The following SPTLC2 variants were observed in gnomAD, a reference collection of about 807,000 sequenced individuals.
SPTLC2 encodes the protein serine palmitoyltransferase long chain base subunit 2, also known as serine palmitoyltransferase 2.
In SPTLC2, 21 loss-of-function variants were observed where a neutral mutation model predicts 62.0. The ratio of observed to expected loss-of-function variants is 0.34; its 90% confidence interval spans 0.24 to 0.49. SPTLC2 has a LOEUF of 0.49. Among genes scored for constraint, SPTLC2 ranks in the 20% least tolerant of loss-of-function variants. The pLI, the probability that SPTLC2 is intolerant of heterozygous loss-of-function variation, is 0.99. For missense variants in SPTLC2, 511 were observed against 713.0 expected (o/e 0.72, Z 3.23); for synonymous variants, 261 against 261.8 (o/e 1.00, Z 0.03).
At chr14:77,589,680 C>G (rs2079804265) in intron 2 of SPTLC2, among the ~76,000 whole-genome samples, 1 of 151,912 alleles carries the variant, frequency 6.6e-6, no homozygotes, top group Admixed American at 6.6e-5. Context: ...ATCCCAGCTA[C>G]TTGGGAGACT....
intron 1 of SPTLC2, among the ~76,000 whole-genome samples, chr14:77,601,105 CTTTGA>C (rs2140059287): frequency 6.6e-6 from 1 of 152,246 alleles, no homozygotes; most frequent in South Asian, 2.1e-4. Flanking sequence ...TTCTAAACTG[CTTTGA>C]TTTTTCTTTT....
At chr14:77,560,825 G>T (rs1426463087) in intron 6 of SPTLC2, among the ~76,000 whole-genome samples, 1 of 151,214 alleles carries the variant, frequency 6.6e-6, no homozygotes, top group African/African-American at 2.4e-5. Flanking sequence ...ATACAGACAC[G>T]ACTAAGGGAA....
intron 9 of SPTLC2, among the ~76,000 whole-genome samples, chr14:77,541,102 C>A (rs1566774141): frequency 6.6e-6 from 1 of 152,002 alleles, no homozygotes; most frequent in African/African-American, 2.4e-5. Context: ...GATCTCAGCT[C>A]ACTGCAATCT....
chr14:77,578,756 A>C, intron 3 of SPTLC2, 199 bp downstream of exon 3: 2 of 553,116 alleles, frequency 3.6e-6, no homozygotes, highest in Non-Finnish European at 6.2e-6. Context: ...CTGAACTATA[A>C]TCCAACACAG....
chr14:77,533,495 T>C (rs2079451975), intron 9 of SPTLC2, among the ~76,000 whole-genome samples: 1 of 152,130 alleles, frequency 6.6e-6, no homozygotes, highest in Admixed American at 6.5e-5. Flanking sequence ...CAAATTAGAA[T>C]GTTTTGACTT....
chr14:77,525,512 C>T (rs1006622409), intron 9 of SPTLC2, among the ~76,000 whole-genome samples: 1 of 151,902 alleles, frequency 6.6e-6, no homozygotes, highest in African/African-American at 2.4e-5. Flanking sequence ...ATTGCTTGAA[C>T]CTGGGAGGTA....
chr14:77,576,089 C>T (rs1237393061), intron 4 of SPTLC2, among the ~76,000 whole-genome samples: 1 of 152,208 alleles, frequency 6.6e-6, no homozygotes, highest in African/African-American at 2.4e-5. Context: ...ATCCCTAGAA[C>T]CCTGAGAAAT....
intron 9 of SPTLC2, among the ~76,000 whole-genome samples, chr14:77,551,342 G>GCTTGCAGTGAGCCAAGATCACACC (rs2079554484): frequency 7.5e-6 from 1 of 133,224 alleles, no homozygotes; most frequent in Admixed American, 8.5e-5. Flanking sequence ...AGTGAGCCAA[G>GCTTGCAGTGAGCCAAGATCACACC]ATCACACCAC....
chr14:77,611,782 C>T (rs1393963895), intron 1 of SPTLC2, among the ~76,000 whole-genome samples: 1 of 151,316 alleles, frequency 6.6e-6, no homozygotes, highest in Non-Finnish European at 1.5e-5. Flanking sequence ...ACTGAGATGG[C>T]GCCACTGCAC....
At position 77,611,623 on chromosome 14, in the gene SPTLC2, C is replaced by T. The variant is rs2079938233; in HGVS notation, c.132+4825G>A. Among the ~76,000 whole-genome samples the T allele has an allele frequency of 3.3e-5, 5 of 151,842 alleles. No individual in the cohort carries two copies. In the South Asian group the frequency reaches 8.3e-4, roughly 25 times the overall value. On this transcript the variant is annotated intron_variant, in intron 1 of 11. Coordinates refer to ENST00000216484, the MANE Select transcript of SPTLC2 (RefSeq NM_004863.4). ...GGTGGATCACCTGAGGTCAGGAGTTCGAGACCAGCCTGGCCAACACTGTGA... is the reference window on the plus strand; with the variant it reads ...GGTGGATCACCTGAGGTCAGGAGTTTGAGACCAGCCTGGCCAACACTGTGA...
chr14:77,521,419 T>C, intron 10 of SPTLC2, 27 bp downstream of exon 10: 1 of 1,614,034 alleles, frequency 6.2e-7, no homozygotes, highest in Non-Finnish European at 8.5e-7. Flanking sequence ...AAGGACAGAC[T>C]GGTCTGTGAT....
chr14:77,592,409 A>G (rs1338631511), intron 2 of SPTLC2, among the ~76,000 whole-genome samples: 1 of 152,188 alleles, frequency 6.6e-6, no homozygotes, highest in East Asian at 1.9e-4. Context: ...TGCTGGGATT[A>G]TAGGTGTGAG....
chr14:77,543,513 A>G (rs1203793145), intron 9 of SPTLC2, among the ~76,000 whole-genome samples: 1 of 152,238 alleles, frequency 6.6e-6, no homozygotes, highest in African/African-American at 2.4e-5. Context: ...AGGCAATACA[A>G]TAAGACAATC....
At chr14:77,545,138 T>C (rs1196177414) in intron 9 of SPTLC2, among the ~76,000 whole-genome samples, 1 of 152,064 alleles carries the variant, frequency 6.6e-6, no homozygotes, top group Non-Finnish European at 1.5e-5. Flanking sequence ...ACTGCCAAAG[T>C]AGATAGCAGG....
intron 9 of SPTLC2, among the ~76,000 whole-genome samples, chr14:77,529,254 T>TTC (rs1491132434): frequency 2.2e-4 from 6 of 27,088 alleles, no homozygotes; most frequent in African/African-American, 3.1e-4. Flanking sequence ...AAACTTCTTC[T>TTC]TTTTTTTTTT....
chr14:77,583,551 G>A (rs890579395), intron 2 of SPTLC2, among the ~76,000 whole-genome samples: 3 of 152,044 alleles, frequency 2.0e-5, no homozygotes, highest in Non-Finnish European at 4.4e-5. Flanking sequence ...CCACTATTCC[G>A]ACCCTCATTC....
chr14:77,616,344 C>A (rs1403793335), intron 1 of SPTLC2, 104 bp downstream of exon 1: 1 of 677,802 alleles, frequency 1.5e-6, no homozygotes, highest in Admixed American at 4.8e-5. Flanking sequence ...ACGGCGCCCG[C>A]CCCGCGGATT....
At chr14:77,589,498 T>A (rs998849856) in intron 2 of SPTLC2, among the ~76,000 whole-genome samples, 7 of 128,478 alleles carry the variant, frequency 5.4e-5, no homozygotes, top group Admixed American at 8.3e-5. Context: ...TTTTTTTTTT[T>A]AGAGATAATG....
Position 77,529,620 on chromosome 14 carries a change from C to CTTTCT in SPTLC2, c.1304-8040_1304-8039insAGAAA, listed in dbSNP as rs1555373703. ...TTCTAGGAAAGCAATTTCTTTCTTT[C>CTTTCT]TTTTTTTTTTTTTTTTTTTTTTGAG... On this transcript the variant is annotated intron_variant, in intron 9 of 11. Coordinates refer to ENST00000216484, the MANE Select transcript of SPTLC2 (RefSeq NM_004863.4). Among the ~76,000 whole-genome samples the CTTTCT allele has an allele frequency of 6.7e-4, 51 of 76,070 alleles. 6 individuals are homozygous for CTTTCT. In the East Asian group the frequency reaches 0.024, roughly 36 times the overall value. The allele number at this position is 76,070 out of a possible 152,430, so 49.9% of individuals were successfully genotyped here.
Sources: allele counts gnomAD v4.1 joint callset (sites outside exome capture counted in the v4.1 genomes callset), GRCh38; gene constraint gnomAD v4.1.1; transcripts MANE v1.5; gene names NCBI Gene and HGNC (gene_info 2026-07-23, HGNC 2026-07-21).